VPS13A: variants seen among roughly 807,000 people sequenced by gnomAD.
VPS13A encodes the protein intermembrane lipid transfer protein VPS13A.
In VPS13A, 264 loss-of-function variants were observed where a neutral mutation model predicts 390.9. That is an observed-to-expected ratio of 0.68 (90% CI 0.61 to 0.75). The LOEUF is 0.75. Among genes scored for constraint, VPS13A ranks in the 30% least tolerant of loss-of-function variants. The pLI is 0.00. For missense variants in VPS13A, 3,409 were observed against 3,733.9 expected (o/e 0.91, Z 2.27); for synonymous variants, 1,231 against 1,227.1 (o/e 1.00, Z -0.07).
At chr9:77,308,387 A>G (rs564524670) in intron 35 of VPS13A, among the ~76,000 whole-genome samples, 26 of 152,092 alleles carry the variant, frequency 1.7e-4, no homozygotes, top group Admixed American at 5.2e-4. Context: ...AAAATTCCTC[A>G]GTATATATTC....
chr9:77,368,268 T>C, intron 62 of VPS13A, 132 bp downstream of exon 62: 1 of 747,262 alleles, frequency 1.3e-6, no homozygotes, highest in Non-Finnish European at 2.2e-6. Flanking sequence ...CATGGGTATT[T>C]TCCTCAGAAT....
At chr9:77,228,292 A>G in intron 17 of VPS13A, 28 bp downstream of exon 17, 1 of 1,551,028 alleles carries the variant, frequency 6.4e-7, no homozygotes, top group South Asian at 1.2e-5. Flanking sequence ...TTTTTTTATC[A>G]TATATGAAAA....
At chr9:77,244,059 G>A (rs1381372010) in intron 19 of VPS13A, among the ~76,000 whole-genome samples, 1 of 152,106 alleles carries the variant, frequency 6.6e-6, no homozygotes, top group Admixed American at 6.5e-5. Flanking sequence ...ACAACATAGT[G>A]AGACCTTGTC....
intron 51 of VPS13A, 21 bp downstream of exon 51, chr9:77,344,302 T>C: frequency 6.2e-7 from 1 of 1,611,658 alleles, no homozygotes; most frequent in Non-Finnish European, 8.5e-7. Flanking sequence ...TTTTCTTTTT[T>C]GCATGTGTCA....
chr9:77,360,396 G>T, intron 58 of VPS13A, 140 bp from the exon 59 acceptor site: 1 of 634,508 alleles, frequency 1.6e-6, no homozygotes, highest in East Asian at 2.9e-5. Context: ...AGTGTTCCAT[G>T]ATTTTTTAAA....
chr9:77,409,218 A>C (rs967901646), intron 71 of VPS13A, among the ~76,000 whole-genome samples: 3 of 152,222 alleles, frequency 2.0e-5, no homozygotes, highest in Non-Finnish European at 4.4e-5. Context: ...ACTCCAACAG[A>C]CCTGCAGCTG....
chr9:77,334,035 G>A (rs1406247417), intron 46 of VPS13A, among the ~76,000 whole-genome samples: 1 of 151,976 alleles, frequency 6.6e-6, no homozygotes, highest in Non-Finnish European at 1.5e-5. Context: ...AACATAAAAG[G>A]GATTAATGAC....
chr9:77,232,905 G>A (rs1032584615), intron 17 of VPS13A, among the ~76,000 whole-genome samples: 1 of 152,026 alleles, frequency 6.6e-6, no homozygotes, highest in Non-Finnish European at 1.5e-5. Flanking sequence ...CTTCTTTGTT[G>A]AGAGTTTTTG....
intron 23 of VPS13A, among the ~76,000 whole-genome samples, chr9:77,268,246 T>C (rs1427149002): frequency 1.3e-5 from 2 of 152,162 alleles, no homozygotes; most frequent in Non-Finnish European, 2.9e-5. Flanking sequence ...GGTTGCCCAG[T>C]TTTGTTCTTG....
At chr9:77,280,031 G>A (rs1268494639) in intron 26 of VPS13A, 128 bp from the exon 27 acceptor site, 1 of 647,774 alleles carries the variant, frequency 1.5e-6, no homozygotes, top group Non-Finnish European at 2.6e-6. Context: ...CTTGGGTGAG[G>A]TAGAATCCAA....
intron 3 of VPS13A, 114 bp from the exon 4 acceptor site, chr9:77,205,199 G>A (rs1825566126): frequency 1.3e-5 from 6 of 450,964 alleles, no homozygotes; most frequent in Middle Eastern, 7.1e-4. Context: ...AAACGCTTAA[G>A]GACAAAGGCC....
chr9:77,412,328 T>C (rs372119382), intron 71 of VPS13A, among the ~76,000 whole-genome samples: 4 of 152,122 alleles, frequency 2.6e-5, no homozygotes, highest in East Asian at 1.9e-4. Context: ...TGATGAACAT[T>C]GATGCAAAAA....
At chr9:77,179,912 CT>C (rs1448510108) in intron 1 of VPS13A, among the ~76,000 whole-genome samples, 2 of 152,144 alleles carry the variant, frequency 1.3e-5, no homozygotes, top group East Asian at 3.9e-4. Context: ...ATCTTTCTGT[CT>C]TTATGGATTT....
chr9:77,370,819 G>A (rs1261835145), intron 65 of VPS13A, 71 bp from the exon 66 acceptor site: 3 of 1,588,612 alleles, frequency 1.9e-6, no homozygotes, highest in East Asian at 2.2e-5. Flanking sequence ...TATTTTTTGT[G>A]TAATCCAAAC....
chr9:77,387,847 G>A (rs1424124189), intron 68 of VPS13A, among the ~76,000 whole-genome samples: 1 of 151,824 alleles, frequency 6.6e-6, no homozygotes, highest in Non-Finnish European at 1.5e-5. Flanking sequence ...TGGAGCCACT[G>A]CATACTTATG....
intron 13 of VPS13A, among the ~76,000 whole-genome samples, chr9:77,223,424 A>G (rs1261501321): frequency 6.6e-6 from 1 of 152,192 alleles, no homozygotes; most frequent in Non-Finnish European, 1.5e-5. Flanking sequence ...GCCAAAAGCT[A>G]GGCTGCTTGT....
chr9:77,202,196 C>A (rs1825370204), intron 3 of VPS13A, among the ~76,000 whole-genome samples: 1 of 152,038 alleles, frequency 6.6e-6, no homozygotes, highest in Non-Finnish European at 1.5e-5. Context: ...TGGTATTAGA[C>A]CACATACCAT....
intron 34 of VPS13A, among the ~76,000 whole-genome samples, chr9:77,304,450 A>C (rs1481022720): frequency 1.3e-5 from 2 of 152,198 alleles, no homozygotes; most frequent in African/African-American, 4.8e-5. Context: ...TCTTTTCCCT[A>C]CAATGAAGGA....
chr9:77,414,196 C>A (rs538520171), intron 71 of VPS13A, among the ~76,000 whole-genome samples: 2 of 152,172 alleles, frequency 1.3e-5, no homozygotes, highest in Non-Finnish European at 2.9e-5. Flanking sequence ...CCTCAGGGAT[C>A]TTGAACTAGA....
Sources: gnomAD v4.1 joint callset for allele counts (sites outside exome capture counted in the v4.1 genomes callset) on GRCh38, gnomAD v4.1.1 for gene constraint, MANE v1.5 for transcripts, NCBI Gene and HGNC (gene_info 2026-07-23, HGNC 2026-07-21) for gene names.